HNF4A: variants seen among roughly 807,000 people sequenced by gnomAD.
The protein encoded by HNF4A is hepatocyte nuclear factor 4 alpha.
A neutral mutation model predicts 52.4 loss-of-function variants in HNF4A; 15 were observed. That is an observed-to-expected ratio of 0.29 (90% CI 0.19 to 0.44). HNF4A has a LOEUF of 0.44. Among genes scored for constraint, HNF4A ranks in the 20% least tolerant of loss-of-function variants. HNF4A has a pLI of 1.00. For synonymous variants in HNF4A, 280 were observed against 264.4 expected, an observed-to-expected ratio of 1.06 and a Z score of -0.57; for missense variants, 479 against 647.2, an observed-to-expected ratio of 0.74 and a Z score of 2.82.
rs1457068372 is a variant in HNF4A, at chr20:44,401,345, A to G, written c.-28A>G. ...TCGGGGTGGGCGCCCAGGGTAGGGC[A>G]GGTGGCCGCGGCGTGGAGGCAGGGA... On this transcript the variant is annotated 5_prime_UTR_variant, in exon 1 of 10. Transcript: ENST00000316099. 1 of 1,613,738 alleles carries G rather than the reference A, an allele frequency of 6.2e-7. No individual in the cohort carries two copies. Among genetic ancestry groups the G allele is most frequent in the South Asian group, 1.1e-5 (1 of 91,084 alleles).
At chr20:44,369,188 T>G (rs112812877) in intron 1 of HNF4A, among the ~76,000 whole-genome samples, 2,735 of 136,006 alleles carry the variant, frequency 0.02, 95 homozygotes, top group African/African-American at 0.073. Context: ...GGTGGAGGTT[T>G]CAGTGAGCTG....
At chr20:44,357,882 G>A (rs868233488) in intron 1 of HNF4A, among the ~76,000 whole-genome samples, 1 of 151,036 alleles carries the variant, frequency 6.6e-6, no homozygotes, top group East Asian at 1.9e-4. Context: ...CATCTGACTC[G>A]AGACTTGACA....
intron 7 of HNF4A, 40 bp downstream of exon 7, chr20:44,419,916 C>G (rs2063721009): frequency 6.2e-7 from 1 of 1,600,064 alleles, no homozygotes; most frequent in Middle Eastern, 1.7e-4. Context: ...GACTCTCTCT[C>G]CAGAACGCTC....
chr20:44,426,927 G>A (rs981878948), intron 8 of HNF4A, among the ~76,000 whole-genome samples: 4 of 152,210 alleles, frequency 2.6e-5, no homozygotes, highest in Non-Finnish European at 4.4e-5. Flanking sequence ...GGAAGGACAT[G>A]AGGTGAAGTC....
chr20:44,407,808 G>A (rs1057378426), intron 3 of HNF4A, among the ~76,000 whole-genome samples: 6 of 145,726 alleles, frequency 4.1e-5, no homozygotes, highest in Non-Finnish European at 9.0e-5. Context: ...ATAATATTTC[G>A]AACGTTAGGA....
At chr20:44,422,658 A>AATAAATATATATTTATAT (rs1293651082) in intron 7 of HNF4A, among the ~76,000 whole-genome samples, 5 of 148,370 alleles carry the variant, frequency 3.4e-5, no homozygotes, top group African/African-American at 1.2e-4. Context: ...TATAGTTATC[A>AATAAATATATATTTATAT]ATAAATATAT....
intron 1 of HNF4A, among the ~76,000 whole-genome samples, chr20:44,383,706 A>G (rs958708791): frequency 1.3e-5 from 2 of 151,146 alleles, no homozygotes; most frequent in African/African-American, 4.9e-5. Flanking sequence ...GGCACATGCC[A>G]TCATGCCCAG....
chr20:44,429,975 C>G lies in HNF4A; in HGVS notation c.*310C>G. 1 of 394,280 alleles carries G rather than the reference C, an allele frequency of 2.5e-6. No homozygotes were observed. The highest frequency in any genetic ancestry group is 4.6e-6 in the Non-Finnish European group (1 of 216,250). The allele number at this position is 394,280 out of a possible 1,614,324, so 24.4% of individuals were successfully genotyped here. On this transcript the variant is annotated 3_prime_UTR_variant, in exon 10 of 10. Coordinates refer to ENST00000316099, the MANE Select transcript of HNF4A (RefSeq NM_000457.6). Reference sequence around the variant, plus strand: ...CAACCCCCGACTTCATCCCAAAGGACAGCCGCCTGGAGATGACTTGAGGCC... The same window carrying G: ...CAACCCCCGACTTCATCCCAAAGGAGAGCCGCCTGGAGATGACTTGAGGCC...
chr20:44,386,302 G>A (rs2146276886), intron 1 of HNF4A, among the ~76,000 whole-genome samples: 1 of 151,578 alleles, frequency 6.6e-6, no homozygotes, highest in African/African-American at 2.4e-5. Flanking sequence ...CAAGTAGCTG[G>A]GATTACAGGC....
chr20:44,387,288 T>TAAAA (rs537843651), intron 1 of HNF4A, among the ~76,000 whole-genome samples: 11 of 82,002 alleles, frequency 1.3e-4, no homozygotes, highest in East Asian at 3.7e-4. Flanking sequence ...AACTTCATCT[T>TAAAA]AAAAAAAAAA....
At chr20:44,356,250 A>G (rs1473262591) in intron 1 of HNF4A, among the ~76,000 whole-genome samples, 3 of 152,156 alleles carry the variant, frequency 2.0e-5, no homozygotes, top group African/African-American at 7.2e-5. Flanking sequence ...TTGCTGGTGC[A>G]TTATCAAGCT....
chr20:44,388,372 A>AAGCCCCCC, intron 1 of HNF4A, among the ~76,000 whole-genome samples: 1 of 89,590 alleles, frequency 1.1e-5, no homozygotes, highest in African/African-American at 8.2e-5. Flanking sequence ...TTCCTCAAAG[A>AAGCCCCCC]CCCCCCCCAC....
intron 7 of HNF4A, among the ~76,000 whole-genome samples, chr20:44,421,608 G>A (rs1268584377): frequency 1.3e-5 from 2 of 151,762 alleles, no homozygotes; most frequent in Admixed American, 6.6e-5. Flanking sequence ...ACAAAAATCA[G>A]TTGTGTGTGG....
At chr20:44,406,895 C>A (rs1656013078) in intron 2 of HNF4A, among the ~76,000 whole-genome samples, 1 of 152,168 alleles carries the variant, frequency 6.6e-6, no homozygotes, top group African/African-American at 2.4e-5. Context: ...CCAAGGTCAA[C>A]CAGCTTGAAT....
At position 44,378,198 on chromosome 20, in the gene HNF4A, A is replaced by G. The variant is rs73275376; in HGVS notation, c.49+22345A>G. On this transcript the variant is annotated intron_variant, in intron 1 of 9. Coordinates refer to the HNF4A transcript ENST00000316673. ...GTTTGTATCCTTTGACCATTTATCT[A>G]TTGTATTATTTACCTTTCCTTATCA... 9.2e-3 allele frequency among the ~76,000 whole-genome samples: 1,377 copies of G among 150,312 alleles called. 21 individuals carry two copies. Among genetic ancestry groups the G allele is most frequent in the African/African-American group, 0.032 (1,313 of 41,004 alleles).
chr20:44,361,681 A>G (rs1026633200), intron 1 of HNF4A, among the ~76,000 whole-genome samples: 1 of 151,866 alleles, frequency 6.6e-6, no homozygotes, highest in African/African-American at 2.4e-5. Flanking sequence ...ATGTCTCAAA[A>G]CCAAACCAAA....
At chr20:44,382,480 G>A (rs1401694001) in intron 1 of HNF4A, among the ~76,000 whole-genome samples, 3 of 151,842 alleles carry the variant, frequency 2.0e-5, no homozygotes, top group African/African-American at 2.4e-5. Flanking sequence ...CTCGTGATCC[G>A]CCCGCCTTGG....
intron 1 of HNF4A, among the ~76,000 whole-genome samples, chr20:44,369,172 G>T (rs1051128878): frequency 6.8e-6 from 1 of 147,662 alleles, no homozygotes; most frequent in Non-Finnish European, 1.5e-5. Context: ...TCTCTTGAAT[G>T]TGGGAGGTGG....
At chr20:44,417,563 C>A (rs921321094) in intron 5 of HNF4A, among the ~76,000 whole-genome samples, 6 of 152,106 alleles carry the variant, frequency 3.9e-5, no homozygotes, top group Non-Finnish European at 8.8e-5. Flanking sequence ...TCTGCCAGAC[C>A]AATGATTTCC....
Sources: gnomAD v4.1 joint callset for allele counts (sites outside exome capture counted in the v4.1 genomes callset) on GRCh38, gnomAD v4.1.1 for gene constraint, MANE v1.5 for transcripts, NCBI Gene and HGNC (gene_info 2026-07-23, HGNC 2026-07-21) for gene names.